Variants in SLC4A10 observed in about 807,000 individuals in gnomAD.
SLC4A10 encodes sodium-driven chloride bicarbonate exchanger.
In SLC4A10, 42 loss-of-function variants were observed where a neutral mutation model predicts 137.7. That is an observed-to-expected ratio of 0.30 (90% CI 0.24 to 0.39). SLC4A10 has a LOEUF of 0.39. Ranked by LOEUF, SLC4A10 falls within the 10% of genes least tolerant of loss-of-function variation. SLC4A10 has a pLI of 1.00. For missense variants in SLC4A10, 925 were observed against 1,355.0 expected (o/e 0.68, Z 4.98); for synonymous variants, 474 against 464.1 (o/e 1.02, Z -0.27).
At position 161,974,312 on chromosome 2, in the gene SLC4A10, T is replaced by A. The variant is rs201485344; in HGVS notation, c.3223T>A (p.Tyr1075Asn). ...AGTACAACTCCCATTGGAAGGGCACTATAGGTAAGACATAAATTTAAAAAC... is the reference window on the plus strand; with the variant it reads ...AGTACAACTCCCATTGGAAGGGCACAATAGGTAAGACATAAATTTAAAAAC... ...GTVQLPLEGH[Y>N]RDDPSVINIS... Residue 1075 changes from tyrosine (Y) to asparagine (N), a missense_variant, in exon 24 of 27, where the codon TAT becomes AAT. This residue lies in a region of SLC4A10 where 84 missense variants were observed against 76.9 expected (regional missense o/e 1.09). Transcript: ENST00000446997. 9.6e-5 allele frequency: 154 copies of A among 1,603,062 alleles called. No individual in the cohort carries two copies. Among genetic ancestry groups the A allele is most frequent in the Admixed American group, 2.6e-4 (15 of 58,286 alleles).
At chr2:161,963,944 T>C (rs1385392550) in intron 21 of SLC4A10, among the ~76,000 whole-genome samples, 191 bp from the exon 22 acceptor site, 1 of 152,182 alleles carries the variant, frequency 6.6e-6, no homozygotes, top group Non-Finnish European at 1.5e-5. Context: ...ATGTGGGCTA[T>C]TGTTTAACTG....
chr2:161,628,369 A>G (rs976447046), intron 1 of SLC4A10, among the ~76,000 whole-genome samples: 1 of 152,072 alleles, frequency 6.6e-6, no homozygotes, highest in Non-Finnish European at 1.5e-5. Context: ...AAACTACAGT[A>G]AAGTTCACTT....
intron 1 of SLC4A10, among the ~76,000 whole-genome samples, chr2:161,637,154 T>A (rs1023873632): frequency 1.4e-5 from 2 of 147,088 alleles, no homozygotes; most frequent in African/African-American, 5.0e-5. Flanking sequence ...TGTATATAGA[T>A]ATATACGTAT....
intron 4 of SLC4A10, among the ~76,000 whole-genome samples, chr2:161,853,935 C>T (rs2059964351): frequency 6.6e-6 from 1 of 152,076 alleles, no homozygotes; most frequent in Non-Finnish European, 1.5e-5. Context: ...TTACTTTTGG[C>T]TAATCCACTT....
chr2:161,686,035 A>G (rs2041367753), intron 1 of SLC4A10, among the ~76,000 whole-genome samples: 1 of 152,232 alleles, frequency 6.6e-6, no homozygotes, highest in African/African-American at 2.4e-5. Context: ...AGGAAAGTGG[A>G]GCAAGGAAAA....
intron 15 of SLC4A10, among the ~76,000 whole-genome samples, chr2:161,912,607 A>C (rs1025523907): frequency 7.2e-5 from 11 of 152,142 alleles, no homozygotes; most frequent in African/African-American, 2.7e-4. Context: ...TCCTAGCTCT[A>C]GGAGTGGTCA....
At chr2:161,958,075 A>G (rs1053667205) in intron 20 of SLC4A10, among the ~76,000 whole-genome samples, 2 of 147,708 alleles carry the variant, frequency 1.4e-5, no homozygotes, top group African/African-American at 4.9e-5. Context: ...ATAATACAGG[A>G]AACACATCTA....
chr2:161,886,388 C>T (rs62188798), intron 10 of SLC4A10, among the ~76,000 whole-genome samples: 10,406 of 152,062 alleles, frequency 0.068, 455 homozygotes, highest in East Asian at 0.13. Flanking sequence ...TTTTGAAGCA[C>T]GTACTTTTAA....
intron 21 of SLC4A10, 24 bp from the exon 22 acceptor site, chr2:161,964,111 A>G (rs1206744591): frequency 6.4e-7 from 1 of 1,560,388 alleles, no homozygotes; most frequent in South Asian, 1.2e-5. Context: ...ACCTAAAAAC[A>G]ATTTAGTCTG....
intron 15 of SLC4A10, among the ~76,000 whole-genome samples, chr2:161,939,981 G>C (rs1692370716): frequency 1.3e-5 from 2 of 152,048 alleles, no homozygotes; most frequent in Admixed American, 6.6e-5. Context: ...CTTCCAGAAT[G>C]GTGGTAAAAG....
chr2:161,773,484 A>G (rs2051918543), intron 2 of SLC4A10, among the ~76,000 whole-genome samples: 1 of 151,910 alleles, frequency 6.6e-6, no homozygotes, highest in African/African-American at 2.4e-5. Flanking sequence ...TTTAAATACA[A>G]TGGAGTTGGG....
At chr2:161,882,751 A>G (rs536687749) in intron 10 of SLC4A10, among the ~76,000 whole-genome samples, 2 of 152,134 alleles carry the variant, frequency 1.3e-5, no homozygotes, top group African/African-American at 4.8e-5. Context: ...TGTTAATATC[A>G]ATGGAAATCT....
At chr2:161,669,292 G>A (rs1300627049) in intron 1 of SLC4A10, among the ~76,000 whole-genome samples, 1 of 151,764 alleles carries the variant, frequency 6.6e-6, no homozygotes, top group Non-Finnish European at 1.5e-5. Flanking sequence ...TGCTTATGCA[G>A]GAACAGTGAA....
chr2:161,854,363 T>C (rs796427138), intron 4 of SLC4A10, among the ~76,000 whole-genome samples: 10 of 152,260 alleles, frequency 6.6e-5, no homozygotes, highest in African/African-American at 1.9e-4. Flanking sequence ...TCAAGGTTCT[T>C]CTCTGATTAT....
chr2:161,842,438 C>T (rs931348676), intron 4 of SLC4A10, among the ~76,000 whole-genome samples: 1 of 152,008 alleles, frequency 6.6e-6, no homozygotes, highest in Admixed American at 6.6e-5. Context: ...TAGTGAGGTA[C>T]AACATCTTTT....
chr2:161,813,026 G>A (rs1179367002), intron 3 of SLC4A10, among the ~76,000 whole-genome samples: 8 of 151,610 alleles, frequency 5.3e-5, no homozygotes, highest in Admixed American at 5.3e-4. Flanking sequence ...TTACATTTTA[G>A]CCTGTCCTTT....
chr2:161,864,779 T>C (rs2060637001), intron 6 of SLC4A10, among the ~76,000 whole-genome samples: 2 of 152,154 alleles, frequency 1.3e-5, no homozygotes, highest in Non-Finnish European at 2.9e-5. Context: ...CTTTAAAATA[T>C]GTGATACATA....
chr2:161,812,923 A>T (rs140257824), intron 3 of SLC4A10, among the ~76,000 whole-genome samples: 1 of 152,048 alleles, frequency 6.6e-6, no homozygotes, highest in Admixed American at 6.6e-5. Context: ...CTGCAGAATA[A>T]ATTCTGCATT....
At chr2:161,683,882 T>C (rs2041122138) in intron 1 of SLC4A10, among the ~76,000 whole-genome samples, 1 of 152,194 alleles carries the variant, frequency 6.6e-6, no homozygotes. Context: ...TGGTAAAATG[T>C]ACATTTGCTA....
Sources: allele counts gnomAD v4.1 joint callset (sites outside exome capture counted in the v4.1 genomes callset), GRCh38; gene constraint gnomAD v4.1.1; regional missense constraint gnomAD v4.1.1; transcripts MANE v1.5; gene names NCBI Gene and HGNC (gene_info 2026-07-23, HGNC 2026-07-21).